Variants in DOHH observed in about 807,000 individuals in gnomAD.
DOHH encodes the protein HEAT-like (PBS lyase) repeat containing 1.
Under a neutral mutation model 19.9 loss-of-function variants are expected in DOHH, and 16 were observed. That is an observed-to-expected ratio of 0.80 (90% CI 0.54 to 1.22). DOHH has a LOEUF of 1.22. Ranked by LOEUF, DOHH falls within the 50% of genes most tolerant of loss-of-function variation. The pLI, the probability that DOHH is intolerant of heterozygous loss-of-function variation, is 0.00. For synonymous variants in DOHH, 233 were observed against 217.0 expected, an observed-to-expected ratio of 1.07 and a Z score of -0.65; for missense variants, 460 against 460.6, an observed-to-expected ratio of 1.00 and a Z score of 0.01.
At chr19:3,493,432 AC>A (rs2082885615) in intron 3 of DOHH, among the ~76,000 whole-genome samples, 1 of 152,120 alleles carries the variant, frequency 6.6e-6, no homozygotes, top group East Asian at 1.9e-4. Flanking sequence ...ACATGGTGAA[AC>A]CCCGTCTCTA....
chr19:3,495,686 G>T (rs778231185), intron 2 of DOHH, among the ~76,000 whole-genome samples: 9 of 152,164 alleles, frequency 5.9e-5, no homozygotes, highest in Non-Finnish European at 1.2e-4. Context: ...GAGGCAGGTG[G>T]ATCACTTGAG....
intron 3 of DOHH, among the ~76,000 whole-genome samples, chr19:3,493,441 C>T (rs1167527125): frequency 2.0e-5 from 3 of 152,110 alleles, no homozygotes; most frequent in African/African-American, 7.2e-5. Context: ...AACCCCGTCT[C>T]TACTAAAAAT....
At chr19:3,498,993 G>A (rs935690107) in intron 1 of DOHH, among the ~76,000 whole-genome samples, 1 of 151,650 alleles carries the variant, frequency 6.6e-6, no homozygotes, top group Non-Finnish European at 1.5e-5. Context: ...TCAGTTACAT[G>A]TAGATGGAGA....
rs1385171079 is a variant in DOHH at position 3,491,415 on chromosome 19, C to G, written c.*77G>C. The G allele has an allele frequency of 2.8e-6, 4 of 1,419,198 alleles. No individual in the cohort carries two copies. The highest frequency in any genetic ancestry group is 3.8e-6 in the Non-Finnish European group (4 of 1,063,252). 87.9% of individuals were successfully genotyped at this position (1,419,198 alleles called of 1,614,324 possible). A position where few individuals can be genotyped will look rare whatever the true frequency, so the allele number is the denominator to read the frequency against. Reference sequence around the variant, plus strand: ...GCGATGACACCGATTTACACACACCCGGTTTAGACGCCAAAGCTCTGCGGG... The same window carrying G: ...GCGATGACACCGATTTACACACACCGGGTTTAGACGCCAAAGCTCTGCGGG... On this transcript the variant is annotated 3_prime_UTR_variant, in exon 5 of 5. Coordinates refer to ENST00000427575, the MANE Select transcript of DOHH (RefSeq NM_001145165.2). This position sits in a 1 kb window ranked among gnomAD's most constrained non-coding sequence, Gnocchi z 5.6.
At position 3,493,589 on chromosome 19, in the gene DOHH, C is replaced by T. The variant is rs186216028; in HGVS notation, c.351+439G>A. 1.3e-3 allele frequency among the ~76,000 whole-genome samples: 189 copies of T among 150,812 alleles called. 1 individual carries two copies. The highest frequency in any genetic ancestry group is 4.4e-3 in the African/African-American group (182 of 40,908). On this transcript the variant is annotated intron_variant, in intron 3 of 4. Transcript: ENST00000427575. ...CGCGCCCACTGCACTCCAGCCTGGG[C>T]GACAGAGCGAGACACCGTCTCAAAA...
rs1210014926 is a variant in DOHH, at chr19:3,497,009, C to G, written c.-72-123G>C. The stretch of plus-strand genomic sequence containing the variant: ...AACCTGAGCATCTACGCTGAAAGCT[C>G]AGCTCCAACCTCCCTACTAGCTGTG... On this transcript the variant is annotated intron_variant, in intron 1 of 4. Coordinates refer to ENST00000427575, the MANE Select transcript of DOHH (RefSeq NM_001145165.2). 1.9e-5 allele frequency: 11 copies of G among 588,660 alleles called. No homozygotes were observed. The Admixed American group carries it at 4.1e-4, about 22-fold the overall frequency. 36.5% of individuals were successfully genotyped at this position (588,660 alleles called of 1,614,324 possible).
intron 1 of DOHH, among the ~76,000 whole-genome samples, chr19:3,499,416 T>C (rs1265985085): frequency 6.6e-6 from 1 of 152,222 alleles, no homozygotes; most frequent in Admixed American, 6.5e-5. Context: ...ACTGAGTCTA[T>C]CTTGGTCACT....
At chr19:3,499,691 G>A (rs1339382502) in intron 1 of DOHH, among the ~76,000 whole-genome samples, 1 of 152,280 alleles carries the variant, frequency 6.6e-6, no homozygotes, top group East Asian at 1.9e-4. Flanking sequence ...AGAATCGCCT[G>A]AACTCGAGAG....
At chr19:3,498,665 A>G (rs2082927714) in intron 1 of DOHH, among the ~76,000 whole-genome samples, 1 of 152,158 alleles carries the variant, frequency 6.6e-6, no homozygotes, top group South Asian at 2.1e-4. Context: ...TCAGCCTCCC[A>G]AACTGCTGGA....
Position 3,491,002 on chromosome 19 carries a change from C to T in DOHH, c.*490G>A, listed in dbSNP as rs1308310088. On this transcript the variant is annotated 3_prime_UTR_variant, in exon 5 of 5. Transcript: ENST00000427575. This position sits in a 1 kb window ranked among gnomAD's most constrained non-coding sequence, Gnocchi z 5.6. ...GTCCCATTCCTAGTGAAGCTGAAGC[C>T]ACCATAACGTCAGCCTCTTCCCAGA... is the stretch of plus-strand genomic sequence containing the variant. 1 of 193,028 alleles carries T rather than the reference C, an allele frequency of 5.2e-6. No individual in the cohort carries two copies. Among genetic ancestry groups the T allele is most frequent in the African/African-American group, 2.4e-5 (1 of 41,570 alleles). 12.0% of individuals were successfully genotyped at this position (193,028 alleles called of 1,614,324 possible).
intron 3 of DOHH, 24 bp downstream of exon 3, chr19:3,494,004 G>T: frequency 6.2e-7 from 1 of 1,608,152 alleles, no homozygotes; most frequent in Non-Finnish European, 8.5e-7. Flanking sequence ...AGACTGGCAG[G>T]GAGACAAGCA....
intron 1 of DOHH, 22 bp downstream of exon 1, chr19:3,500,539 C>A (rs965255382): frequency 1.3e-5 from 2 of 152,246 alleles, no homozygotes; most frequent in East Asian, 3.8e-4. Flanking sequence ...ACACCGTGAT[C>A]GCCGCCTCCG....
chr19:3,497,791 AT>A lies in DOHH; in HGVS notation c.-72-906del, dbSNP rs547547655. Among the ~76,000 whole-genome samples the A allele has an allele frequency of 1.9e-4, 29 of 149,532 alleles. 1 individual carries two copies. In the South Asian group the frequency reaches 5.7e-3, roughly 29 times the overall value. ...AGGCACACACCAGCATGCCCAGCTA[AT>A]TTTTTTTTTATTATTTGTAGAGATG... On this transcript the variant is annotated intron_variant, in intron 1 of 4. Transcript: ENST00000427575.
rs569430837 is a variant in DOHH, at chr19:3,496,054, C to G, written c.274+487G>C. ...ACAGACAGGATCTCACTCTGTTGCC[C>G]AGGCTGGAGTGCGGTGGCACGATCA... On this transcript the variant is annotated intron_variant, in intron 2 of 4. Coordinates refer to ENST00000427575, the MANE Select transcript of DOHH (RefSeq NM_001145165.2). This position sits in a 1 kb window ranked among gnomAD's most constrained non-coding sequence, Gnocchi z 4.8. Among the ~76,000 whole-genome samples the G allele has an allele frequency of 6.6e-6, 1 of 152,226 alleles. No individual in the cohort carries two copies. Among genetic ancestry groups the G allele is most frequent in the Admixed American group, 6.5e-5 (1 of 15,290 alleles).
Position 3,496,904 on chromosome 19 carries a change from G to C in DOHH, c.-72-18C>G, listed in dbSNP as rs1490592789. Reference sequence around the variant, plus strand: ...GTAAGAACCTGTGGCAGAAAAATGAGAGCCCAGGTTAGAAGCCCCCTTCAC... The same window carrying C: ...GTAAGAACCTGTGGCAGAAAAATGACAGCCCAGGTTAGAAGCCCCCTTCAC... On this transcript the variant is annotated intron_variant, in intron 1 of 4. Coordinates refer to ENST00000427575, the MANE Select transcript of DOHH (RefSeq NM_001145165.2). The surrounding 1 kb of genome is among the most constrained non-coding windows in gnomAD (Gnocchi z 4.8). 5.8e-6 allele frequency: 8 copies of C among 1,380,370 alleles called. No individual in the cohort carries two copies. Among genetic ancestry groups the C allele is most frequent in the South Asian group, 1.8e-5 (1 of 54,916 alleles). The allele number at this position is 1,380,370 out of a possible 1,614,324, so 85.5% of individuals were successfully genotyped here. A position where few individuals can be genotyped will look rare whatever the true frequency, so the allele number is the denominator to read the frequency against.
chr19:3,494,949 G>A (rs567768759), intron 2 of DOHH, among the ~76,000 whole-genome samples: 1 of 151,578 alleles, frequency 6.6e-6, no homozygotes, highest in African/African-American at 2.4e-5. Context: ...GGTCTCCTTC[G>A]CTGTCTAGGT....
In DOHH at chr19:3,492,445, C is replaced by G. The variant is rs922978504; in HGVS notation, c.406G>C (p.Gly136Arg). ...VRRLEWLQQH[G>R]GEPAAGPYLS... ...TAGGGTCCCGCCGCCGGCTCCCCGC[C>G]GTGCTGCTGCAGCCACTCCAGCCTG... The change falls in exon 4 of 5, where the codon GGC becomes CGC. Residue 136 changes from glycine to arginine, a missense_variant. Transcript: ENST00000427575. 1.2e-5 allele frequency: 17 copies of G among 1,476,728 alleles called. No individual in the cohort carries two copies. The highest frequency in any genetic ancestry group is 1.5e-5 in the Non-Finnish European group (17 of 1,120,150). The allele number at this position is 1,476,728 out of a possible 1,614,324, so 91.5% of individuals were successfully genotyped here.
Position 3,492,173 on chromosome 19 carries a change from G to A in DOHH, c.589+89C>T, listed in dbSNP as rs547487011. ...CCAGGCCCGGGATGCCGTTCCCGGGGGCAGGCCGCGGCCCCACTGCACAGA... is the reference window on the plus strand; with the variant it reads ...CCAGGCCCGGGATGCCGTTCCCGGGAGCAGGCCGCGGCCCCACTGCACAGA... On this transcript the variant is annotated intron_variant, in intron 4 of 4. Transcript: ENST00000427575. The A allele has an allele frequency of 8.2e-6, 10 of 1,213,212 alleles. No homozygotes were observed. The South Asian group carries it at 1.5e-4, about 18-fold the overall frequency. The allele number at this position is 1,213,212 out of a possible 1,614,324, so 75.2% of individuals were successfully genotyped here. A position where few individuals can be genotyped will look rare whatever the true frequency, so the allele number is the denominator to read the frequency against.
At position 3,492,474 on chromosome 19, in the gene DOHH, A is replaced by G; in HGVS notation, c.377T>C (p.Val126Ala). The G allele has an allele frequency of 7.1e-7, 1 of 1,410,718 alleles. No individual in the cohort carries two copies. The highest frequency in any genetic ancestry group is 9.2e-7 in the Non-Finnish European group (1 of 1,088,678). The allele number at this position is 1,410,718 out of a possible 1,614,324, so 87.4% of individuals were successfully genotyped here. A position where few individuals can be genotyped will look rare whatever the true frequency, so the allele number is the denominator to read the frequency against. ...IEVAETCQLAVRRLEWLQQHG... is the reference protein window; with the variant it reads ...IEVAETCQLAARRLEWLQQHG... ...CTGCTGCAGCCACTCCAGCCTGCGC[A>G]CGGCCAGCTGGCAGGTCTCGGCCAC... The change falls in exon 4 of 5, where the codon GTG (valine) becomes GCG (alanine). Residue 126 changes from valine to alanine, a missense_variant. Physicochemically the swap from Val to Ala is moderately conservative, Grantham distance 64. Transcript: ENST00000427575.
Sources: allele counts gnomAD v4.1 joint callset (sites outside exome capture counted in the v4.1 genomes callset), GRCh38; gene constraint gnomAD v4.1.1; non-coding constraint Gnocchi (gnomAD v3.1); transcripts MANE v1.5; gene names NCBI Gene and HGNC (gene_info 2026-07-23, HGNC 2026-07-21).